Variants in GPC6 observed in about 807,000 individuals in gnomAD.
GPC6 encodes glypican-6.
In GPC6, 14 loss-of-function variants were observed where a neutral mutation model predicts 55.2. The observed-to-expected ratio is 0.25, with a 90% confidence interval of 0.17 to 0.40. The LOEUF (loss-of-function observed/expected upper bound fraction) is 0.40. GPC6 is among the 10% of genes least tolerant of loss of function. GPC6 has a pLI of 1.00. For missense variants in GPC6, 641 were observed against 708.5 expected (o/e 0.90, Z 1.08); for synonymous variants, 278 against 259.6 (o/e 1.07, Z -0.68).
intron 5 of GPC6, among the ~76,000 whole-genome samples, chr13:94,298,583 G>T (rs1875473105): frequency 6.6e-6 from 1 of 152,172 alleles, no homozygotes; most frequent in Non-Finnish European, 1.5e-5. Flanking sequence ...TCTCCCACGG[G>T]CCAATCAGGA....
chr13:93,557,144 A>G (rs1875524294), intron 2 of GPC6, among the ~76,000 whole-genome samples: 1 of 152,224 alleles, frequency 6.6e-6, no homozygotes, highest in African/African-American at 2.4e-5. Flanking sequence ...AAAATAAAAT[A>G]AATTGGAAGT....
At chr13:93,714,493 A>G (rs1179607044) in intron 2 of GPC6, among the ~76,000 whole-genome samples, 1 of 151,852 alleles carries the variant, frequency 6.6e-6, no homozygotes, top group Non-Finnish European at 1.5e-5. Flanking sequence ...TGGGAATATA[A>G]ATTAGTTTGG....
At chr13:94,369,322 C>T (rs1421192749) in intron 6 of GPC6, among the ~76,000 whole-genome samples, 1 of 152,174 alleles carries the variant, frequency 6.6e-6, no homozygotes, top group Non-Finnish European at 1.5e-5. Flanking sequence ...GGCCTTCTCA[C>T]AGTGACTACT....
chr13:93,485,252 C>CAGGTGGAAAAAAAGCTT (rs1879660971), intron 1 of GPC6, among the ~76,000 whole-genome samples: 1 of 152,162 alleles, frequency 6.6e-6, no homozygotes, highest in Admixed American at 6.5e-5. Flanking sequence ...TATGAAAGCA[C>CAGGTGGAAAAAAAGCTT]AGGTGGAAAA....
chr13:93,654,559 C>T (rs1260520026), intron 2 of GPC6, among the ~76,000 whole-genome samples: 1 of 152,068 alleles, frequency 6.6e-6, no homozygotes, highest in Non-Finnish European at 1.5e-5. Context: ...AACTCCTGAC[C>T]TCAGGTGATC....
chr13:93,765,826 C>T (rs1885114882), intron 2 of GPC6, among the ~76,000 whole-genome samples: 1 of 152,198 alleles, frequency 6.6e-6, no homozygotes, highest in Non-Finnish European at 1.5e-5. Flanking sequence ...CCTGTGCCTC[C>T]AAGAATAACA....
At chr13:93,875,323 C>T (rs1889256380) in intron 3 of GPC6, among the ~76,000 whole-genome samples, 1 of 152,034 alleles carries the variant, frequency 6.6e-6, no homozygotes, top group South Asian at 2.1e-4. Context: ...GATGACTCTT[C>T]TCGGAAGGAT....
intron 1 of GPC6, among the ~76,000 whole-genome samples, chr13:93,368,443 G>A (rs1881339599): frequency 6.8e-6 from 1 of 146,788 alleles, no homozygotes; most frequent in African/African-American, 2.6e-5. Flanking sequence ...TTATTAGGAA[G>A]ACTGAAATGA....
At chr13:93,880,580 G>A (rs1874897305) in intron 3 of GPC6, among the ~76,000 whole-genome samples, 1 of 152,178 alleles carries the variant, frequency 6.6e-6, no homozygotes, top group South Asian at 2.1e-4. Flanking sequence ...TGGGGGAGGA[G>A]GTAGGGATAG....
At chr13:93,249,527 T>G (rs1326022980) in intron 1 of GPC6, among the ~76,000 whole-genome samples, 2 of 152,204 alleles carry the variant, frequency 1.3e-5, no homozygotes, top group Non-Finnish European at 2.9e-5. Context: ...TTGAAAGAGG[T>G]TGGCATTTCA....
intron 7 of GPC6, among the ~76,000 whole-genome samples, chr13:94,388,797 A>G (rs560242179): frequency 6.6e-6 from 1 of 152,164 alleles, no homozygotes; most frequent in African/African-American, 2.4e-5. Context: ...ATGAGAAATC[A>G]TCTACCCTCA....
In GPC6 at chr13:94,286,289, A is replaced by C. The variant is rs942431155; in HGVS notation, c.878-60A>C. On this transcript the variant is annotated intron_variant, in intron 4 of 8. Transcript: ENST00000377047. The stretch of plus-strand genomic sequence containing the variant: ...CCAGTTGTTTTAACAATGTTTAAAC[A>C]CAGGTTGGGAACCTGGAGCTCCCAG... The C allele has an allele frequency of 3.2e-6, 5 of 1,585,774 alleles. No individual in the cohort carries two copies. In the African/African-American group the frequency reaches 5.4e-5, roughly 17 times the overall value.
intron 2 of GPC6, among the ~76,000 whole-genome samples, chr13:93,646,814 A>G (rs1342190140): frequency 2.6e-5 from 4 of 152,028 alleles, no homozygotes; most frequent in Non-Finnish European, 5.9e-5. Flanking sequence ...CTGTGGTGGA[A>G]TGAAGAAATA....
intron 1 of GPC6, among the ~76,000 whole-genome samples, chr13:93,368,337 T>TTTCCTTCCTTCCTTCCTTCCTTCCTTCC (rs768601581): frequency 2.2e-5 from 2 of 92,554 alleles, no homozygotes; most frequent in African/African-American, 9.1e-5. Context: ...CCCTCCCTGC[T>TTTCCTTCCTTCCTTCCTTCCTTCCTTCC]TTCCTTCCTT....
intron 4 of GPC6, among the ~76,000 whole-genome samples, chr13:94,172,867 G>A (rs1888620348): frequency 6.6e-6 from 1 of 152,184 alleles, no homozygotes; most frequent in South Asian, 2.1e-4. Context: ...GCTGAGTAAA[G>A]TTCAGATAGA....
intron 3 of GPC6, among the ~76,000 whole-genome samples, chr13:94,001,911 T>C (rs969721470): frequency 2.6e-5 from 4 of 152,118 alleles, no homozygotes; most frequent in Non-Finnish European, 5.9e-5. Flanking sequence ...GGTTTTAGCA[T>C]TGGAGTGAAC....
chr13:93,756,986 T>C (rs183499986), intron 2 of GPC6, among the ~76,000 whole-genome samples: 187 of 152,296 alleles, frequency 1.2e-3, no homozygotes, highest in African/African-American at 4.4e-3. Context: ...AATTGCTCTG[T>C]GGCACATTTT....
chr13:94,392,243 G>A (rs779624038), intron 7 of GPC6, among the ~76,000 whole-genome samples: 11 of 152,044 alleles, frequency 7.2e-5, no homozygotes, highest in Admixed American at 2.0e-4. Flanking sequence ...CACTAGCAAG[G>A]AAGGTTAGCC....
chr13:93,608,212 CTT>C (rs11340602), intron 2 of GPC6, among the ~76,000 whole-genome samples: 1 of 145,560 alleles, frequency 6.9e-6, no homozygotes. Flanking sequence ...TCTTCCAGAA[CTT>C]TTTTTTTTTT....
Sources: allele counts gnomAD v4.1 joint callset (sites outside exome capture counted in the v4.1 genomes callset), GRCh38; gene constraint gnomAD v4.1.1; transcripts MANE v1.5; gene names NCBI Gene and HGNC (gene_info 2026-07-23, HGNC 2026-07-21).